Variants in PTPRD observed in about 807,000 individuals in gnomAD.
The protein encoded by PTPRD is receptor-type tyrosine-protein phosphatase delta.
A neutral mutation model predicts 214.5 loss-of-function variants in PTPRD; 34 were observed. The ratio of observed to expected loss-of-function variants is 0.16; its 90% CI spans 0.12 to 0.21. The LOEUF is 0.21. Among genes scored for constraint, PTPRD ranks in the 10% least tolerant of loss-of-function variants. The pLI, the probability that PTPRD is intolerant of heterozygous loss-of-function variation, is 1.00. For synonymous variants in PTPRD, 1,128 were observed against 845.7 expected, an observed-to-expected ratio of 1.33 and a Z score of -5.79; for missense variants, 2,545 against 2,398.7, an observed-to-expected ratio of 1.06 and a Z score of -1.27.
At chr9:9,499,712 C>T (rs1373045840) in intron 8 of PTPRD, among the ~76,000 whole-genome samples, 1 of 152,002 alleles carries the variant, frequency 6.6e-6, no homozygotes, top group Non-Finnish European at 1.5e-5. Context: ...TTCAATAATG[C>T]TGAATGAATA....
intron 9 of PTPRD, among the ~76,000 whole-genome samples, chr9:9,393,523 C>A (rs927734566): frequency 6.6e-6 from 1 of 152,246 alleles, no homozygotes; most frequent in East Asian, 1.9e-4. Context: ...TGCATGAGAT[C>A]CCTATTGACA....
intron 7 of PTPRD, among the ~76,000 whole-genome samples, chr9:9,710,976 G>T (rs997543190): frequency 6.9e-6 from 1 of 144,312 alleles, no homozygotes; most frequent in Admixed American, 6.9e-5. Flanking sequence ...GAGAGAGAGC[G>T]TGTGTGTGTG....
chr9:9,239,263 G>C, intron 9 of PTPRD, among the ~76,000 whole-genome samples: 1 of 151,410 alleles, frequency 6.6e-6, no homozygotes, highest in South Asian at 2.1e-4. Flanking sequence ...AAAGGCTTTT[G>C]GTTCATGTGA....
chr9:10,060,892 C>CTTT (rs2097761013), intron 3 of PTPRD, among the ~76,000 whole-genome samples: 3 of 88,014 alleles, frequency 3.4e-5, no homozygotes, highest in South Asian at 3.5e-4. Flanking sequence ...TTCCTTCCTT[C>CTTT]CTTCCTTCTT....
At chr9:9,985,365 A>C (rs1387002576) in intron 4 of PTPRD, among the ~76,000 whole-genome samples, 3 of 152,288 alleles carry the variant, frequency 2.0e-5, no homozygotes, top group African/African-American at 7.2e-5. Context: ...AATACAGTTA[A>C]GTTTTTTTTA....
At chr9:9,141,124 TTC>T (rs1017244861) in intron 10 of PTPRD, among the ~76,000 whole-genome samples, 1 of 151,592 alleles carries the variant, frequency 6.6e-6, no homozygotes, top group African/African-American at 2.4e-5. Flanking sequence ...CCTCTTCTTC[TTC>T]TTTTTCTCTC....
chr9:8,934,921 T>C (rs1050853869), intron 11 of PTPRD, among the ~76,000 whole-genome samples: 3 of 152,204 alleles, frequency 2.0e-5, no homozygotes, highest in Middle Eastern at 3.4e-3. Flanking sequence ...GTTTCATCCA[T>C]GTAGTCACAC....
intron 10 of PTPRD, among the ~76,000 whole-genome samples, chr9:9,122,836 A>G (rs1169585492): frequency 1.3e-5 from 2 of 152,210 alleles, no homozygotes; most frequent in Non-Finnish European, 2.9e-5. Context: ...TCCTCCCTGG[A>G]TAAACAGTAC....
At chr9:10,143,208 G>T (rs291286) in intron 3 of PTPRD, among the ~76,000 whole-genome samples, 1 of 151,628 alleles carries the variant, frequency 6.6e-6, no homozygotes, top group Non-Finnish European at 1.5e-5. Flanking sequence ...GCACCGGCAT[G>T]GCACATGTAT....
At chr9:8,666,476 TATGG>T (rs2097172743) in intron 12 of PTPRD, among the ~76,000 whole-genome samples, 1 of 152,352 alleles carries the variant, frequency 6.6e-6, no homozygotes, top group South Asian at 2.1e-4. Context: ...ATGGAATTCG[TATGG>T]CTTCATATCA....
chr9:9,218,853 TC>T (rs1422276409), intron 9 of PTPRD, among the ~76,000 whole-genome samples: 2 of 152,102 alleles, frequency 1.3e-5, no homozygotes, highest in Non-Finnish European at 2.9e-5. Context: ...CCCCACATTC[TC>T]CAGAGGCAAC....
intron 35 of PTPRD, among the ~76,000 whole-genome samples, chr9:8,430,781 T>G (rs1231727426): frequency 6.6e-6 from 1 of 152,146 alleles, no homozygotes; most frequent in South Asian, 2.1e-4. Flanking sequence ...AAAATGCACT[T>G]CACTCCTCTT....
chr9:8,675,237 C>T (rs1331038352), intron 12 of PTPRD, among the ~76,000 whole-genome samples: 2 of 151,978 alleles, frequency 1.3e-5, no homozygotes, highest in Non-Finnish European at 2.9e-5. Flanking sequence ...GGATGTTGCC[C>T]TCTCTAAGCC....
chr9:9,035,938 T>C (rs1017756242), intron 10 of PTPRD, among the ~76,000 whole-genome samples: 2 of 152,134 alleles, frequency 1.3e-5, no homozygotes, highest in Non-Finnish European at 2.9e-5. Flanking sequence ...TGCTAGTAGC[T>C]GAAGTGTTAA....
At chr9:10,018,716 T>A (rs1307865722) in intron 4 of PTPRD, among the ~76,000 whole-genome samples, 5 of 149,896 alleles carry the variant, frequency 3.3e-5, no homozygotes, top group African/African-American at 1.2e-4. Context: ...CCCGGCTAAT[T>A]TTTTTTGTAT....
intron 4 of PTPRD, among the ~76,000 whole-genome samples, chr9:9,956,865 T>G (rs1427516456): frequency 6.6e-6 from 1 of 152,180 alleles, no homozygotes; most frequent in Non-Finnish European, 1.5e-5. Context: ...AATGTATGAA[T>G]AAATTGTAAT....
rs565165367 is a variant in PTPRD at position 9,830,899 on chromosome 9, A to G, written c.-367-64048T>C. Among the ~76,000 whole-genome samples, 6 of 152,020 alleles carry G rather than the reference A, an allele frequency of 3.9e-5. No individual in the cohort carries two copies. The East Asian group carries it at 1.2e-3, about 29-fold the overall frequency. On this transcript the variant is annotated intron_variant, in intron 5 of 45. Transcript: ENST00000381196. ...TTTTTTTTACTGTTTCTTAGAATCA[A>G]AATTGTCCAACGTAAAATGTATTGT...
chr9:8,712,089 T>C (rs1288771673), intron 12 of PTPRD, among the ~76,000 whole-genome samples: 3 of 152,186 alleles, frequency 2.0e-5, no homozygotes, highest in African/African-American at 7.2e-5. Context: ...TTTTACTCTA[T>C]ATAAATTTTT....
intron 33 of PTPRD, chr9:8,454,493 C>T: frequency 5.6e-6 from 8 of 1,432,662 alleles, no homozygotes; most frequent in Non-Finnish European, 7.8e-6. Flanking sequence ...GTGTGCAGCC[C>T]CGCCCTCCCC....
Sources: gnomAD v4.1 joint callset for allele counts (sites outside exome capture counted in the v4.1 genomes callset) on GRCh38, gnomAD v4.1.1 for gene constraint, MANE v1.5 for transcripts, NCBI Gene and HGNC (gene_info 2026-07-23, HGNC 2026-07-21) for gene names.